Variants in SUMF1 observed in about 807,000 individuals in gnomAD.
SUMF1 encodes sulfatase modifying factor 1, also known as formylglycine-generating enzyme.
Under a neutral mutation model 47.6 loss-of-function variants are expected in SUMF1, and 48 were observed. That is an observed-to-expected ratio of 1.01 (90% CI 0.80 to 1.28). SUMF1 has a LOEUF of 1.28. Ranked by LOEUF, SUMF1 falls within the 50% of genes most tolerant of loss-of-function variation. The pLI is 0.00. For missense variants in SUMF1, 571 were observed against 485.4 expected (o/e 1.18, Z -1.66); for synonymous variants, 230 against 192.1 (o/e 1.20, Z -1.63).
intron 8 of SUMF1, among the ~76,000 whole-genome samples, chr3:4,170,495 G>C (rs1694809833): frequency 6.6e-6 from 1 of 152,178 alleles, no homozygotes; most frequent in South Asian, 2.1e-4. Flanking sequence ...CAGGAGTGGG[G>C]AATAAGGAAG....
chr3:4,347,654 T>C (rs530058775), intron 8 of SUMF1, among the ~76,000 whole-genome samples: 2 of 152,324 alleles, frequency 1.3e-5, no homozygotes, highest in East Asian at 1.9e-4. Flanking sequence ...ACCACTCTTA[T>C]TCAACATTGT....
chr3:4,379,844 A>C (rs1465493169), intron 7 of SUMF1, among the ~76,000 whole-genome samples: 1 of 139,530 alleles, frequency 7.2e-6, no homozygotes, highest in African/African-American at 2.5e-5. Flanking sequence ...CCATCTCAAA[A>C]AAAAAAAAAA....
intron 8 of SUMF1, among the ~76,000 whole-genome samples, chr3:4,245,283 C>G (rs1422417964): frequency 2.0e-5 from 3 of 152,106 alleles, no homozygotes; most frequent in Non-Finnish European, 2.9e-5. Context: ...CCCTTGCTAG[C>G]GAGGAGTTGT....
chr3:4,123,301 A>C (rs1471839184), intron 8 of SUMF1, among the ~76,000 whole-genome samples: 1 of 152,164 alleles, frequency 6.6e-6, no homozygotes, highest in African/African-American at 2.4e-5. Context: ...CTAGTTTACT[A>C]ATACAGACAC....
rs561825715 is a variant in SUMF1 at position 4,111,880 on chromosome 3, C to T, written c.1015-43135G>A. On this transcript the variant is annotated intron_variant and NMD_transcript_variant, in intron 8 of 12. Transcript: ENST00000448413. ...GCACTGGCCTAGGTTATTATTCATT[C>T]ATTAGAATTTACTTGAGAGAAATTC... 6.1e-4 allele frequency among the ~76,000 whole-genome samples: 93 copies of T among 152,088 alleles called. 1 individual carries two copies. Among genetic ancestry groups the T allele is most frequent in the African/African-American group, 2.2e-3 (92 of 41,458 alleles).
chr3:4,133,754 T>G (rs1293253404), intron 8 of SUMF1, among the ~76,000 whole-genome samples: 2 of 152,126 alleles, frequency 1.3e-5, no homozygotes, highest in African/African-American at 4.8e-5. Context: ...CCAGATGGCC[T>G]ATTGTAGGAC....
intron 7 of SUMF1, among the ~76,000 whole-genome samples, chr3:4,405,601 T>G (rs556589681): frequency 6.6e-6 from 1 of 152,150 alleles, no homozygotes; most frequent in Non-Finnish European, 1.5e-5. Context: ...TTGCCCAGGC[T>G]GGTCTCAAAC....
intron 8 of SUMF1, among the ~76,000 whole-genome samples, chr3:4,366,051 C>G (rs367730664): frequency 6.6e-6 from 1 of 151,820 alleles, no homozygotes; most frequent in African/African-American, 2.4e-5. Flanking sequence ...GGCCCCCACT[C>G]TCTTCTGGCT....
intron 3 of SUMF1, among the ~76,000 whole-genome samples, chr3:4,420,380 G>T (rs1365586897): frequency 6.7e-6 from 1 of 148,726 alleles, no homozygotes; most frequent in Non-Finnish European, 1.5e-5. Flanking sequence ...GTATTTAAAT[G>T]GTGTATATCT....
intron 8 of SUMF1, among the ~76,000 whole-genome samples, chr3:4,315,199 C>T (rs1698587492): frequency 6.6e-6 from 1 of 152,152 alleles, no homozygotes; most frequent in South Asian, 2.1e-4. Flanking sequence ...ACTTCAATGC[C>T]TCTGAAGCAG....
chr3:4,198,854 T>A (rs1253796335), intron 8 of SUMF1, among the ~76,000 whole-genome samples: 3 of 151,834 alleles, frequency 2.0e-5, no homozygotes, highest in African/African-American at 7.3e-5. Flanking sequence ...CACCATGAAG[T>A]ATTCTGTCCA....
intron 8 of SUMF1, among the ~76,000 whole-genome samples, chr3:4,297,959 C>T (rs1697887350): frequency 6.6e-6 from 1 of 152,086 alleles, no homozygotes; most frequent in African/African-American, 2.4e-5. Flanking sequence ...AAATGTAAAG[C>T]TCAAATAGTC....
chr3:4,365,544 C>T lies in SUMF1; in HGVS notation c.1015-3290G>A, dbSNP rs1004739451. Among the ~76,000 whole-genome samples, 32 of 143,162 alleles carry T rather than the reference C, an allele frequency of 2.2e-4. 1 individual carries two copies. Among genetic ancestry groups the T allele is most frequent in the African/African-American group, 8.2e-4 (32 of 39,246 alleles). 93.9% of individuals were successfully genotyped at this position (143,162 alleles called of 152,430 possible). ...TCAGAGACTAGGATTGCAACCCCTG[C>T]CTTTTTTTGTTTTCCGTTTGCTTGG... On this transcript the variant is annotated intron_variant, in intron 8 of 8. Coordinates refer to ENST00000272902, the MANE Select transcript of SUMF1 (RefSeq NM_182760.4).
rs190115727 is a variant in SUMF1, at chr3:4,411,412, G to A, written c.841-434C>T. ...CACACAATGTCTTTCAGCACTGAGCGACCCCAAGTCAGTTAGCTCTGTCCT... is the reference window on the plus strand; with the variant it reads ...CACACAATGTCTTTCAGCACTGAGCAACCCCAAGTCAGTTAGCTCTGTCCT... On this transcript the variant is annotated intron_variant, in intron 6 of 8. Coordinates refer to ENST00000272902, the MANE Select transcript of SUMF1 (RefSeq NM_182760.4). Among the ~76,000 whole-genome samples the A allele has an allele frequency of 3.9e-5, 6 of 152,196 alleles. No homozygotes were observed. In the East Asian group the frequency reaches 7.7e-4, roughly 20 times the overall value.
intron 8 of SUMF1, among the ~76,000 whole-genome samples, chr3:4,327,247 G>A (rs1193585237): frequency 6.6e-6 from 1 of 152,120 alleles, no homozygotes; most frequent in Admixed American, 6.5e-5. Flanking sequence ...CATTTGATTG[G>A]GGTTAGCAAG....
At chr3:4,201,107 A>G (rs1235232864) in intron 8 of SUMF1, among the ~76,000 whole-genome samples, 1 of 152,056 alleles carries the variant, frequency 6.6e-6, no homozygotes, top group African/African-American at 2.4e-5. Flanking sequence ...GGTATCCATC[A>G]CCTCATGCAT....
intron 8 of SUMF1, among the ~76,000 whole-genome samples, chr3:4,325,837 A>C (rs1272311227): frequency 1.3e-5 from 2 of 151,990 alleles, no homozygotes; most frequent in Non-Finnish European, 1.5e-5. Context: ...AATAATAAAA[A>C]CTGAAAAAAA....
intron 8 of SUMF1, among the ~76,000 whole-genome samples, chr3:4,178,685 G>C (rs531299807): frequency 2.0e-5 from 3 of 152,248 alleles, no homozygotes; most frequent in South Asian, 4.1e-4. Context: ...TGGAAGTTCT[G>C]GCCAGGGCAA....
chr3:4,442,655 G>C (rs938655346), intron 3 of SUMF1, among the ~76,000 whole-genome samples: 10 of 103,400 alleles, frequency 9.7e-5, no homozygotes, highest in African/African-American at 3.7e-4. Context: ...AAAAAAAAGA[G>C]AGAGAAAAAG....
Sources: gnomAD v4.1 joint callset for allele counts (sites outside exome capture counted in the v4.1 genomes callset) on GRCh38, gnomAD v4.1.1 for gene constraint, MANE v1.5 for transcripts, NCBI Gene and HGNC (gene_info 2026-07-23, HGNC 2026-07-21) for gene names.